Variants in TCF25 observed in about 807,000 individuals in gnomAD.
TCF25 encodes TCF25 ribosome quality control complex subunit.
Under a neutral mutation model 83.1 loss-of-function variants are expected in TCF25, and 41 were observed. The ratio of observed to expected loss-of-function variants is 0.49; its 90% CI spans 0.38 to 0.64. The LOEUF is 0.64. TCF25 is among the 30% of genes least tolerant of loss of function. The probability of loss-of-function intolerance (pLI) is 0.00; values close to 1 mark genes in which losing one functional copy is unlikely to be tolerated. For synonymous variants in TCF25, 458 were observed against 365.0 expected, an observed-to-expected ratio of 1.25 and a Z score of -2.90; for missense variants, 979 against 914.5, an observed-to-expected ratio of 1.07 and a Z score of -0.91.
chr16:89,894,952 GT>G (rs1490456128), intron 7 of TCF25, 85 bp from the exon 8 acceptor site: 3 of 1,266,776 alleles, frequency 2.4e-6, no homozygotes, highest in Non-Finnish European at 3.3e-6. Flanking sequence ...GCCTCCGCTG[GT>G]TTTAAATGTC....
chr16:89,897,011 AGTGAGACCTT>A (rs373134216), intron 9 of TCF25, among the ~76,000 whole-genome samples: 443 of 151,532 alleles, frequency 2.9e-3, no homozygotes, highest in Non-Finnish European at 4.3e-3. Flanking sequence ...TGGGCAGCAG[AGTGAGACCTT>A]GTCTCTCAAA....
At chr16:89,910,496 C>A (rs184937950) in intron 16 of TCF25, 95 bp from the exon 17 acceptor site, 1 of 1,322,718 alleles carries the variant, frequency 7.6e-7, no homozygotes, top group Non-Finnish European at 1.1e-6. Context: ...CGTGTCCCTG[C>A]GAGGGAGGCA....
chr16:89,887,406 C>T (rs926223565), intron 4 of TCF25, among the ~76,000 whole-genome samples: 2 of 152,212 alleles, frequency 1.3e-5, no homozygotes, highest in African/African-American at 4.8e-5. Flanking sequence ...GTGCCACACA[C>T]AGTGCCTCTT....
At chr16:89,902,792 G>A (rs545663309) in intron 12 of TCF25, among the ~76,000 whole-genome samples, 29 of 152,138 alleles carry the variant, frequency 1.9e-4, no homozygotes, top group Admixed American at 6.5e-4. Context: ...GGCGGTGAGG[G>A]GTGAGGGTTA....
chr16:89,893,397 G>A (rs7199685), intron 6 of TCF25, among the ~76,000 whole-genome samples: 3 of 152,238 alleles, frequency 2.0e-5, no homozygotes, highest in Non-Finnish European at 4.4e-5. Context: ...AGTGCTCGGC[G>A]TGGTCAGATC....
intron 16 of TCF25, chr16:89,909,345 A>G: frequency 5.6e-6 from 2 of 354,408 alleles, no homozygotes; most frequent in South Asian, 2.3e-5. Flanking sequence ...ACCCGTCTCT[A>G]CTAAAATACA....
At chr16:89,889,500 C>T (rs2043261320) in intron 5 of TCF25, 1 of 192,906 alleles carries the variant, frequency 5.2e-6, no homozygotes, top group Non-Finnish European at 1.1e-5. Flanking sequence ...TTTATTGGAC[C>T]ATGGAGAGTA....
intron 16 of TCF25, 38 bp downstream of exon 16, chr16:89,907,360 AC>A: frequency 7.1e-7 from 1 of 1,408,246 alleles, no homozygotes; most frequent in Non-Finnish European, 9.7e-7. Context: ...CCCAGCTCCC[AC>A]CTCCCTCCTC....
chr16:89,906,427 T>C (rs1597380918), intron 15 of TCF25, 143 bp downstream of exon 15: 1 of 708,348 alleles, frequency 1.4e-6, no homozygotes, highest in Non-Finnish European at 2.4e-6. Context: ...CAGGGTCTAG[T>C]GCAGAGGGCT....
At chr16:89,882,550 G>A (rs1027731971) in intron 1 of TCF25, among the ~76,000 whole-genome samples, 5 of 152,122 alleles carry the variant, frequency 3.3e-5, no homozygotes, top group Admixed American at 3.3e-4. Context: ...AAGAGAGAGA[G>A]AAGGTTTCAT....
intron 1 of TCF25, among the ~76,000 whole-genome samples, chr16:89,875,461 G>T (rs900417203): frequency 2.1e-5 from 3 of 139,932 alleles, no homozygotes; most frequent in Admixed American, 7.5e-5. Flanking sequence ...TTTTCTCATT[G>T]TTACACATCC....
At chr16:89,886,480 A>G (rs2043027476) in intron 4 of TCF25, among the ~76,000 whole-genome samples, 1 of 142,004 alleles carries the variant, frequency 7.0e-6, no homozygotes, top group Non-Finnish European at 1.5e-5. Flanking sequence ...TTTAGGAAAT[A>G]GGCCGGGCCC....
intron 9 of TCF25, among the ~76,000 whole-genome samples, chr16:89,896,615 G>A (rs1207031107): frequency 1.3e-5 from 2 of 149,478 alleles, no homozygotes; most frequent in Non-Finnish European, 3.0e-5. Flanking sequence ...GTGCAGGGGC[G>A]CGATCTCGGC....
chr16:89,893,952 C>G, intron 7 of TCF25, 94 bp downstream of exon 7: 2 of 1,500,070 alleles, frequency 1.3e-6, no homozygotes, highest in Non-Finnish European at 1.8e-6. Flanking sequence ...GGGAGGCATG[C>G]TGCCTCCTGC....
Position 89,884,656 on chromosome 16 carries a change from G to A in TCF25, c.429G>A (p.Ser143=), listed in dbSNP as rs751414598. ...AGAAAAGCAGCACGGGAGAAGCATC[G>A]GTACGTGAGTTGGGCCTGGCTGTGC... ...KNKKSSTGEA[S]ENGLEDIDRI... The change falls in exon 3 of 18, where the codon TCG becomes TCA. Residue 143 remains serine, a splice_region_variant and synonymous_variant. Transcript: ENST00000263346. 143 of 1,611,276 alleles carry A rather than the reference G, an allele frequency of 8.9e-5. 2 individuals are homozygous for A. The South Asian group carries it at 1.4e-3, about 15-fold the overall frequency.
chr16:89,892,316 G>A (rs746300714), intron 6 of TCF25, 41 bp downstream of exon 6: 1 of 1,583,292 alleles, frequency 6.3e-7, no homozygotes, highest in Non-Finnish European at 8.6e-7. Flanking sequence ...AGGGTTGGGG[G>A]GCGTTGTCTG....
intron 15 of TCF25, 84 bp downstream of exon 15, chr16:89,906,368 C>A (rs547195133): frequency 6.6e-6 from 9 of 1,371,414 alleles, no homozygotes; most frequent in South Asian, 4.9e-5. Flanking sequence ...CACATGCAGG[C>A]GTGCGTGGTG....
chr16:89,877,267 A>C (rs1416611458), intron 1 of TCF25, among the ~76,000 whole-genome samples: 1 of 151,970 alleles, frequency 6.6e-6, no homozygotes, highest in African/African-American at 2.4e-5. Context: ...TCAATGTCAC[A>C]ATTATAACTC....
chr16:89,907,903 C>T (rs2045060052), intron 16 of TCF25, among the ~76,000 whole-genome samples: 1 of 142,796 alleles, frequency 7.0e-6, no homozygotes, highest in Non-Finnish European at 1.5e-5. Flanking sequence ...TCCCGCCTCC[C>T]ACCTCCCAGC....
Sources: gnomAD v4.1 joint callset for allele counts (sites outside exome capture counted in the v4.1 genomes callset) on GRCh38, gnomAD v4.1.1 for gene constraint, MANE v1.5 for transcripts, NCBI Gene and HGNC (gene_info 2026-07-23, HGNC 2026-07-21) for gene names.